The following STK39 variants were observed in gnomAD, a reference collection of about 807,000 sequenced individuals.
STK39 encodes the protein serine/threonine kinase 39.
A neutral mutation model predicts 77.8 loss-of-function variants in STK39; 20 were observed. The observed-to-expected ratio is 0.26, with a 90% CI of 0.18 to 0.37. The LOEUF (loss-of-function observed/expected upper bound fraction) is 0.37. Among genes scored for constraint, STK39 ranks in the 10% least tolerant of loss-of-function variants. STK39 has a pLI of 1.00. For missense variants in STK39, 479 were observed against 656.5 expected (o/e 0.73, Z 2.95); for synonymous variants, 246 against 234.1 (o/e 1.05, Z -0.47).
chr2:168,149,442 C>T (rs1328350517), intron 5 of STK39, among the ~76,000 whole-genome samples: 1 of 152,242 alleles, frequency 6.6e-6, no homozygotes, highest in Non-Finnish European at 1.5e-5. Context: ...TCTGTGACAT[C>T]TCTAGGTCCC....
chr2:168,067,403 C>T (rs1031631828), intron 12 of STK39, among the ~76,000 whole-genome samples: 2 of 152,144 alleles, frequency 1.3e-5, no homozygotes, highest in Non-Finnish European at 1.5e-5. Flanking sequence ...CCTTCCCACT[C>T]TCTCTGTTGC....
intron 10 of STK39, among the ~76,000 whole-genome samples, chr2:168,112,579 G>C (rs1421950853): frequency 2.0e-5 from 3 of 152,098 alleles, no homozygotes; most frequent in Admixed American, 2.0e-4. Flanking sequence ...GGAACTGTGA[G>C]TCAGTTAAAC....
At chr2:168,064,617 A>C (rs1574433683) in intron 13 of STK39, among the ~76,000 whole-genome samples, 1 of 152,266 alleles carries the variant, frequency 6.6e-6, no homozygotes, top group Admixed American at 6.5e-5. Context: ...AGACCAAGTA[A>C]AACAGAAATG....
At chr2:167,977,813 C>T (rs996200966) in intron 16 of STK39, among the ~76,000 whole-genome samples, 3 of 151,440 alleles carry the variant, frequency 2.0e-5, no homozygotes, top group African/African-American at 7.3e-5. Context: ...TTTATCAAGA[C>T]CAGGGGAATT....
chr2:168,034,145 G>A lies in STK39; in HGVS notation c.1377-17050C>T, dbSNP rs1684894586. ...CCAACATACATAACAAGATTTGGGG[G>A]AGGCAGGCCCCTGCATGTCCTCAAG... On this transcript the variant is annotated intron_variant, in intron 14 of 17. Coordinates refer to ENST00000355999, the MANE Select transcript of STK39 (RefSeq NM_013233.3). Among the ~76,000 whole-genome samples, 4 of 152,196 alleles carry A rather than the reference G, an allele frequency of 2.6e-5. No individual in the cohort carries two copies. The South Asian group carries it at 6.2e-4, about 24-fold the overall frequency.
chr2:168,115,800 G>T (rs1687243497), intron 10 of STK39, among the ~76,000 whole-genome samples: 1 of 152,172 alleles, frequency 6.6e-6, no homozygotes, highest in Non-Finnish European at 1.5e-5. Flanking sequence ...ACTTCCAGGG[G>T]GAAGAGCAAC....
At chr2:168,124,807 GGTTAAAT>G (rs1226135772) in intron 10 of STK39, among the ~76,000 whole-genome samples, 1 of 152,068 alleles carries the variant, frequency 6.6e-6, no homozygotes, top group African/African-American at 2.4e-5. Flanking sequence ...CAATTCTGAG[GGTTAAAT>G]GTTCCTGTAG....
At chr2:168,071,678 G>A (rs1487400467) in intron 12 of STK39, among the ~76,000 whole-genome samples, 3 of 152,122 alleles carry the variant, frequency 2.0e-5, no homozygotes, top group South Asian at 2.1e-4. Flanking sequence ...TCAGGAGATC[G>A]AGACCACGGT....
intron 15 of STK39, among the ~76,000 whole-genome samples, chr2:168,012,974 A>G (rs1451414390): frequency 2.0e-5 from 3 of 152,216 alleles, no homozygotes; most frequent in Non-Finnish European, 4.4e-5. Context: ...CTACTATCTG[A>G]ATTAATCTTC....
chr2:168,187,840 G>A (rs932415209), intron 1 of STK39, among the ~76,000 whole-genome samples: 6 of 151,952 alleles, frequency 3.9e-5, no homozygotes, highest in Non-Finnish European at 5.9e-5. Flanking sequence ...AAGTTAAGAC[G>A]TCAATTGTCC....
chr2:168,069,286 G>GA (rs936062005), intron 12 of STK39, among the ~76,000 whole-genome samples: 3 of 152,014 alleles, frequency 2.0e-5, no homozygotes, highest in African/African-American at 7.2e-5. Context: ...GTAATATAAG[G>GA]AAAAAAATTA....
At chr2:168,082,995 A>G (rs1163597013) in intron 10 of STK39, among the ~76,000 whole-genome samples, 1 of 152,056 alleles carries the variant, frequency 6.6e-6, no homozygotes, top group Non-Finnish European at 1.5e-5. Flanking sequence ...TATAAGAAGC[A>G]CTCAAAACAT....
chr2:168,029,583 T>C (rs1684782536), intron 14 of STK39, among the ~76,000 whole-genome samples: 1 of 152,186 alleles, frequency 6.6e-6, no homozygotes, highest in African/African-American at 2.4e-5. Flanking sequence ...TGTTTACTGA[T>C]GATTTACCTC....
At chr2:167,956,564 G>GGA (rs140201130) in intron 17 of STK39, among the ~76,000 whole-genome samples, 1 of 126,540 alleles carries the variant, frequency 7.9e-6, no homozygotes, top group Non-Finnish European at 1.7e-5. Context: ...CTCCACCTCA[G>GGA]AAAAAAAAAA....
intron 14 of STK39, among the ~76,000 whole-genome samples, chr2:168,032,293 T>C (rs1429411895): frequency 6.6e-6 from 1 of 152,228 alleles, no homozygotes. Flanking sequence ...GTATGAGTCA[T>C]GGAATCTGTA....
rs147334234 is a variant in STK39 at position 168,178,459 on chromosome 2, C to T, written c.321+3519G>A. Among the ~76,000 whole-genome samples the T allele has an allele frequency of 3.0e-3, 461 of 152,206 alleles. 6 individuals are homozygous for T. The highest frequency in any genetic ancestry group is 0.01 in the African/African-American group (433 of 41,522). On this transcript the variant is annotated intron_variant, in intron 2 of 17. Coordinates refer to ENST00000355999, the MANE Select transcript of STK39 (RefSeq NM_013233.3). The stretch of plus-strand genomic sequence containing the variant: ...ATTTGGGAGTGTTCTAATCTAATTG[C>T]TGTTAAACTAAAATGAATTTTTAGT...
intron 1 of STK39, among the ~76,000 whole-genome samples, chr2:168,197,881 C>CA (rs1339823430): frequency 2.0e-5 from 3 of 151,512 alleles, no homozygotes; most frequent in Non-Finnish European, 4.4e-5. Context: ...ACTAAAAATA[C>CA]AAAAAAATTA....
At chr2:168,198,038 C>CAAA (rs11448638) in intron 1 of STK39, among the ~76,000 whole-genome samples, 1 of 124,446 alleles carries the variant, frequency 8.0e-6, no homozygotes, top group South Asian at 2.5e-4. Context: ...AACTCGGTCT[C>CAAA]AAAAAAAAAA....
intron 10 of STK39, among the ~76,000 whole-genome samples, chr2:168,079,185 G>T (rs1435095149): frequency 6.6e-6 from 1 of 152,058 alleles, no homozygotes; most frequent in Non-Finnish European, 1.5e-5. Context: ...TTTATACTCT[G>T]ACACTGCTCC....
Sources: allele counts gnomAD v4.1 joint callset (sites outside exome capture counted in the v4.1 genomes callset), GRCh38; gene constraint gnomAD v4.1.1; transcripts MANE v1.5; gene names NCBI Gene and HGNC (gene_info 2026-07-23, HGNC 2026-07-21).